Variants in STAB2 observed in about 807,000 individuals in gnomAD.
The protein encoded by STAB2 is stabilin 2, also known as stabilin-2.
A neutral mutation model predicts 338.1 loss-of-function variants in STAB2; 288 were observed. That is an observed-to-expected ratio of 0.85 (90% confidence interval 0.77 to 0.94). The LOEUF is 0.94. STAB2 is among the 40% of genes least tolerant of loss of function. STAB2 has a pLI of 0.00. For missense variants in STAB2, 3,141 were observed against 3,210.1 expected, an observed-to-expected ratio of 0.98 and a Z score of 0.52; for synonymous variants, 1,202 against 1,193.3, an observed-to-expected ratio of 1.01 and a Z score of -0.15.
chr12:103,649,314 C>T (rs1010657263), intron 10 of STAB2, among the ~76,000 whole-genome samples: 25 of 152,082 alleles, frequency 1.6e-4, no homozygotes, highest in Admixed American at 5.9e-4. Context: ...ACCCTTGGTC[C>T]CCCAGTCACT....
At chr12:103,651,590 G>A (rs1006181288) in intron 11 of STAB2, among the ~76,000 whole-genome samples, 17 of 31,000 alleles carry the variant, frequency 5.5e-4, no homozygotes, top group Middle Eastern at 0.028. Context: ...GAGATTATAG[G>A]CGTGAGCCAC....
At chr12:103,600,666 T>C (rs955599190) in intron 3 of STAB2, among the ~76,000 whole-genome samples, 4 of 152,232 alleles carry the variant, frequency 2.6e-5, no homozygotes, top group East Asian at 3.9e-4. Context: ...CTTTCGTCCA[T>C]TGGGTCACAA....
intron 19 of STAB2, among the ~76,000 whole-genome samples, chr12:103,667,947 C>T (rs763889474): frequency 8.5e-5 from 13 of 152,258 alleles, no homozygotes; most frequent in Non-Finnish European, 1.2e-4. Context: ...AAAGTCTGTA[C>T]GTGATAAGAC....
chr12:103,761,644 A>G (rs1409688356), intron 66 of STAB2, among the ~76,000 whole-genome samples: 1 of 152,116 alleles, frequency 6.6e-6, no homozygotes, highest in Non-Finnish European at 1.5e-5. Context: ...CTGTTGAATG[A>G]AAGGGGGAGG....
intron 24 of STAB2, among the ~76,000 whole-genome samples, chr12:103,676,517 G>A (rs1876388035): frequency 6.6e-6 from 1 of 152,202 alleles, no homozygotes; most frequent in Non-Finnish European, 1.5e-5. Flanking sequence ...GTCTCACTCT[G>A]TTACCCAGGC....
At chr12:103,691,402 T>C (rs927552224) in intron 30 of STAB2, among the ~76,000 whole-genome samples, 2 of 152,232 alleles carry the variant, frequency 1.3e-5, no homozygotes, top group Non-Finnish European at 2.9e-5. Flanking sequence ...ATATTTTCTT[T>C]TAGAAAGCAG....
intron 25 of STAB2, among the ~76,000 whole-genome samples, chr12:103,680,826 G>C (rs1216390192): frequency 6.6e-6 from 1 of 152,218 alleles, no homozygotes; most frequent in African/African-American, 2.4e-5. Flanking sequence ...GAAAGTGAGA[G>C]AACAGATGCT....
chr12:103,591,103 C>T, intron 2 of STAB2, 73 bp downstream of exon 2: 7 of 1,591,226 alleles, frequency 4.4e-6, no homozygotes, highest in Non-Finnish European at 6.0e-6. Flanking sequence ...AACTGCAAAG[C>T]ATTTCCATGA....
intron 42 of STAB2, among the ~76,000 whole-genome samples, chr12:103,714,665 C>T (rs562032928): frequency 1.4e-5 from 2 of 146,746 alleles, no homozygotes; most frequent in South Asian, 2.2e-4. Flanking sequence ...CCAGCCTGGG[C>T]GATGGAGTGA....
At chr12:103,613,018 A>T (rs553089928) in intron 3 of STAB2, among the ~76,000 whole-genome samples, 27 of 152,310 alleles carry the variant, frequency 1.8e-4, no homozygotes, top group African/African-American at 6.0e-4. Context: ...GGTGAACAGC[A>T]AATGTTGCTG....
chr12:103,626,734 G>T (rs1243297171), intron 5 of STAB2, among the ~76,000 whole-genome samples: 1 of 152,174 alleles, frequency 6.6e-6, no homozygotes, highest in Non-Finnish European at 1.5e-5. Context: ...CCGGGAGGTG[G>T]CCATTCTGCC....
intron 9 of STAB2, among the ~76,000 whole-genome samples, chr12:103,646,316 T>C (rs951460873): frequency 6.6e-6 from 1 of 152,222 alleles, no homozygotes; most frequent in Admixed American, 6.5e-5. Context: ...CAATCTTCTA[T>C]CATGGCACTT....
intron 2 of STAB2, 119 bp downstream of exon 2, chr12:103,591,149 A>C: frequency 1.5e-6 from 2 of 1,345,660 alleles, no homozygotes; most frequent in Non-Finnish European, 2.1e-6. Flanking sequence ...GCCCAAACTT[A>C]GGTAACTCAC....
In STAB2 at chr12:103,755,404, G is replaced by A. The variant is rs1455319715; in HGVS notation, c.6817G>A (p.Val2273Met). Residue 2273 changes from valine to methionine, a missense_variant, in exon 62 of 69, where the codon GTG (valine) becomes ATG (methionine). Coordinates refer to ENST00000388887, the MANE Select transcript of STAB2 (RefSeq NM_017564.10). ...QNCGSGVVGI[V>M]DYGPRPNKSE... ...CTGTGGCTCTGGTGTGGTTGGGATA[G>A]TGGACTATGGACCTAGACCCAACAA... The A allele has an allele frequency of 4.3e-6, 7 of 1,614,062 alleles. No individual in the cohort carries two copies. Among genetic ancestry groups the A allele is most frequent in the African/African-American group, 1.3e-5 (1 of 74,918 alleles).
At chr12:103,740,924 G>C (rs947998692) in intron 55 of STAB2, among the ~76,000 whole-genome samples, 168 bp downstream of exon 55, 1 of 152,040 alleles carries the variant, frequency 6.6e-6, no homozygotes, top group Non-Finnish European at 1.5e-5. Flanking sequence ...TTCTACTTTG[G>C]CATATTTTTT....
In STAB2 at chr12:103,733,003, C is replaced by A; in HGVS notation, c.5284-3C>A. On this transcript the variant is annotated splice_region_variant and splice_polypyrimidine_tract_variant and intron_variant, in intron 50 of 68. Transcript: ENST00000388887. ...AGCAAGGGGCTGAATCCCTGTGTTT[C>A]AGGACTCAGGTTTGCTGAGTGTCAT... 1 of 1,613,344 alleles carries A rather than the reference C, an allele frequency of 6.2e-7. No homozygotes were observed. The highest frequency in any genetic ancestry group is 8.5e-7 in the Non-Finnish European group (1 of 1,179,594).
chr12:103,705,633 G>A lies in STAB2; in HGVS notation c.3902G>A (p.Gly1301Asp). The part of the protein sequence containing the change: ...LTCPFGTKSL[G>D]NEKRRCIYTS... The stretch of plus-strand genomic sequence containing the variant: ...GACGTAGTCATTAATATTTCACAGG[G>A]TAATGAGAAGAGGAGATGCATCTAT... The change falls in exon 37 of 69, where the codon GGT becomes GAT. Residue 1301 changes from glycine to aspartate, a missense_variant and splice_region_variant. By Grantham distance (94) the Gly-to-Asp change is moderately conservative. Coordinates refer to ENST00000388887, the MANE Select transcript of STAB2 (RefSeq NM_017564.10). 1 of 1,613,954 alleles carries A rather than the reference G, an allele frequency of 6.2e-7. No individual in the cohort carries two copies. Among genetic ancestry groups the A allele is most frequent in the Non-Finnish European group, 8.5e-7 (1 of 1,179,842 alleles).
intron 44 of STAB2, 72 bp downstream of exon 44, chr12:103,717,913 G>C: frequency 6.7e-7 from 1 of 1,490,416 alleles, no homozygotes. Flanking sequence ...ACTTCTCGGG[G>C]ATGCAGAGTT....
At chr12:103,648,887 A>G in intron 10 of STAB2, 64 bp downstream of exon 10, 1 of 1,580,020 alleles carries the variant, frequency 6.3e-7, no homozygotes, top group Non-Finnish European at 8.6e-7. Flanking sequence ...CATCTGCAAG[A>G]TACAATGATT....
Sources: gnomAD v4.1 joint callset for allele counts (sites outside exome capture counted in the v4.1 genomes callset) on GRCh38, gnomAD v4.1.1 for gene constraint, MANE v1.5 for transcripts, NCBI Gene and HGNC (gene_info 2026-07-23, HGNC 2026-07-21) for gene names.